The following FKBP9 variants were observed in gnomAD, a reference collection of about 807,000 sequenced individuals.
FKBP9 encodes the protein FKBP prolyl isomerase 9, also known as peptidyl-prolyl cis-trans isomerase FKBP9.
A neutral mutation model predicts 55.6 loss-of-function variants in FKBP9; 27 were observed. The ratio of observed to expected loss-of-function variants is 0.49; its 90% confidence interval spans 0.36 to 0.67. The LOEUF (loss-of-function observed/expected upper bound fraction) is 0.67. Ranked by LOEUF, FKBP9 falls within the 30% of genes least tolerant of loss-of-function variation. FKBP9 has a pLI of 0.00. For missense variants in FKBP9, 539 were observed against 742.8 expected (o/e 0.73, Z 3.19); for synonymous variants, 267 against 296.5 (o/e 0.90, Z 1.02).
At chr7:32,994,161 C>T (rs185112965) in intron 6 of FKBP9, among the ~76,000 whole-genome samples, 35 of 152,170 alleles carry the variant, frequency 2.3e-4, no homozygotes, top group African/African-American at 8.4e-4. Context: ...GTAACATAAC[C>T]ATTACCTCTA....
At position 32,996,331 on chromosome 7, in the gene FKBP9, G is replaced by C; in HGVS notation, c.1208G>C (p.Gly403Ala). Residue 403 changes from glycine (G) to alanine (A), a missense_variant, in exon 7 of 10, where the codon GGG (glycine) becomes GCG (alanine). By Grantham distance (60) the Gly-to-Ala change is moderately conservative (BLOSUM62 0). Transcript: ENST00000242209. ...KYHYNASLLD[G>A]TLLDSTWNLG... ...CACTACAATGCCTCACTTCTGGATG[G>C]GACCCTGCTGGACTCCACGTAAGGG... The C allele has an allele frequency of 1.9e-6, 3 of 1,613,182 alleles. No individual in the cohort carries two copies. In the South Asian group the frequency reaches 3.3e-5, roughly 18 times the overall value.
intron 1 of FKBP9, among the ~76,000 whole-genome samples, chr7:32,972,300 CT>C (rs2127979350): frequency 1.3e-5 from 2 of 152,160 alleles, no homozygotes; most frequent in African/African-American, 4.8e-5. Flanking sequence ...TGAAATCTTG[CT>C]TTCTGTTCAC....
rs756611733 is a variant in FKBP9, at chr7:32,980,404, T to C, written c.744T>C (p.Val248=). 7.9e-5 allele frequency: 128 copies of C among 1,613,422 alleles called. No homozygotes were observed. Among genetic ancestry groups the C allele is most frequent in the Middle Eastern group, 1.6e-4 (1 of 6,078 alleles). Residue 248 remains valine (V), a synonymous_variant, in exon 5 of 10, where the codon GTT becomes GTC. Coordinates refer to ENST00000242209, the MANE Select transcript of FKBP9 (RefSeq NM_007270.5). ...IPGQASLVFD[V]ALLDLHNPKD... ...GTCAGGCATCTCTGGTGTTTGATGTTGCATTATTGGACCTCCATAACCCCA... is the reference window on the plus strand; with the variant it reads ...GTCAGGCATCTCTGGTGTTTGATGTCGCATTATTGGACCTCCATAACCCCA...
At chr7:32,989,727 A>C (rs1382684932) in intron 6 of FKBP9, among the ~76,000 whole-genome samples, 1 of 152,170 alleles carries the variant, frequency 6.6e-6, no homozygotes, top group Non-Finnish European at 1.5e-5. Context: ...CCAGAAACAA[A>C]TATTGTTAAT....
Position 33,006,623 on chromosome 7 carries a change from C to A in FKBP9, c.*1272C>A, listed in dbSNP as rs1485655161. 4.7e-6 allele frequency: 1 copy of A among 212,878 alleles called. No individual in the cohort carries two copies. The highest frequency in any genetic ancestry group is 2.3e-5 in the African/African-American group (1 of 44,134). The allele number at this position is 212,878 out of a possible 1,614,324, so 13.2% of individuals were successfully genotyped here. A position where few individuals can be genotyped will look rare whatever the true frequency, so the allele number is the denominator to read the frequency against. On this transcript the variant is annotated 3_prime_UTR_variant, in exon 10 of 10. Transcript: ENST00000242209. ...ACATTTTTCTGCTGCCCATTTGTGT[C>A]CTGGAGACGGTGGTACCCTGAAGGC...
chr7:32,959,779 A>G (rs1415773220), intron 1 of FKBP9, among the ~76,000 whole-genome samples: 1 of 152,188 alleles, frequency 6.6e-6, no homozygotes, highest in East Asian at 1.9e-4. Context: ...TGTAAGGTAT[A>G]TCAGTACTTC....
intron 7 of FKBP9, among the ~76,000 whole-genome samples, chr7:32,996,941 C>T (rs1305084159): frequency 1.3e-5 from 2 of 151,098 alleles, no homozygotes; most frequent in Non-Finnish European, 3.0e-5. Context: ...ACTACAGGCA[C>T]CCGCCACCGC....
intron 7 of FKBP9, among the ~76,000 whole-genome samples, chr7:32,997,442 C>T (rs1000716305): frequency 3.3e-5 from 5 of 152,072 alleles, no homozygotes; most frequent in Non-Finnish European, 5.9e-5. Flanking sequence ...GTCTCGAACT[C>T]CTGACCTCAA....
intron 3 of FKBP9, among the ~76,000 whole-genome samples, chr7:32,975,925 C>T (rs570244058): frequency 1.3e-5 from 2 of 152,252 alleles, no homozygotes; most frequent in African/African-American, 4.8e-5. Context: ...GGATTACAGG[C>T]GTGAGCCACT....
intron 3 of FKBP9, 77 bp from the exon 4 acceptor site, chr7:32,976,277 A>C (rs1329108092): frequency 1.3e-6 from 2 of 1,576,536 alleles, no homozygotes; most frequent in Non-Finnish European, 8.7e-7. Context: ...ATATTTGGGT[A>C]AGAAAAACCG....
At chr7:32,979,162 G>C (rs1354445760) in intron 4 of FKBP9, among the ~76,000 whole-genome samples, 1 of 152,072 alleles carries the variant, frequency 6.6e-6, no homozygotes, top group Non-Finnish European at 1.5e-5. Flanking sequence ...CCAGCTACTC[G>C]GGAAGCTGAG....
intron 4 of FKBP9, among the ~76,000 whole-genome samples, chr7:32,978,991 G>A (rs563169506): frequency 2.0e-4 from 30 of 152,248 alleles, no homozygotes; most frequent in South Asian, 6.2e-4. Flanking sequence ...ACCCCAGGCC[G>A]GGCGCAGTGG....
chr7:32,957,831 A>G, intron 1 of FKBP9, 37 bp downstream of exon 1: 3 of 1,378,444 alleles, frequency 2.2e-6, no homozygotes, highest in Non-Finnish European at 2.8e-6. Context: ...GCCTCAGCGG[A>G]TGCGCGTCCC....
In FKBP9 at chr7:32,980,374, T is replaced by C. The variant is rs1784450529; in HGVS notation, c.714T>C (p.Ile238=). 1.2e-6 allele frequency: 2 copies of C among 1,611,044 alleles called. No homozygotes were observed. Among genetic ancestry groups the C allele is most frequent in the Non-Finnish European group, 1.7e-6 (2 of 1,177,880 alleles). The change falls in exon 5 of 10, where the codon ATT becomes ATC. Residue 238 remains isoleucine (I), a synonymous_variant. Transcript: ENST00000242209. ...CCCATTCCATTCTAGGGAAAGACAT[T>C]CCCGGTCAGGCATCTCTGGTGTTTG... The part of the protein sequence containing the change: ...AYGEDGDGKD[I]PGQASLVFDV...
chr7:32,965,454 G>A (rs1326500181), intron 1 of FKBP9, among the ~76,000 whole-genome samples: 1 of 151,958 alleles, frequency 6.6e-6, no homozygotes, highest in East Asian at 1.9e-4. Context: ...TTAAAAGCTC[G>A]TTCTTATTGC....
chr7:32,975,111 A>G (rs1583849730), intron 2 of FKBP9, 71 bp from the exon 3 acceptor site: 1 of 1,244,638 alleles, frequency 8.0e-7, no homozygotes, highest in Middle Eastern at 2.4e-4. Context: ...CCTTGGGAGC[A>G]TCCTAGGTGT....
At chr7:32,964,229 T>C (rs1379371918) in intron 1 of FKBP9, among the ~76,000 whole-genome samples, 2 of 152,234 alleles carry the variant, frequency 1.3e-5, no homozygotes, top group African/African-American at 4.8e-5. Flanking sequence ...CATTGGCAGC[T>C]GGCCAAGCAC....
At chr7:32,980,735 TTTC>T (rs1261351460) in intron 5 of FKBP9, among the ~76,000 whole-genome samples, 182 bp downstream of exon 5, 3 of 152,110 alleles carry the variant, frequency 2.0e-5, no homozygotes, top group Admixed American at 6.5e-5. Context: ...CCTTTCTTTC[TTTC>T]TTTTTTTTTG....
At chr7:32,985,523 G>A (rs1399022581) in intron 5 of FKBP9, among the ~76,000 whole-genome samples, 1 of 151,978 alleles carries the variant, frequency 6.6e-6, no homozygotes, top group African/African-American at 2.4e-5. Context: ...ATATAATGAA[G>A]TACATATATG....
Sources: allele counts gnomAD v4.1 joint callset (sites outside exome capture counted in the v4.1 genomes callset), GRCh38; gene constraint gnomAD v4.1.1; transcripts MANE v1.5; gene names NCBI Gene and HGNC (gene_info 2026-07-23, HGNC 2026-07-21).